The following FBN2 variants were observed in gnomAD, a reference collection of about 807,000 sequenced individuals.
FBN2 encodes the protein fibrillin-2.
A neutral mutation model predicts 355.6 loss-of-function variants in FBN2; 105 were observed. The ratio of observed to expected loss-of-function variants is 0.30; its 90% CI spans 0.25 to 0.35. The LOEUF (loss-of-function observed/expected upper bound fraction) is 0.35, where lower values mean the gene tolerates loss of function less well. FBN2 is among the 10% of genes least tolerant of loss of function. FBN2 has a pLI of 1.00. For synonymous variants in FBN2, 1,350 were observed against 1,301.2 expected (o/e 1.04, Z -0.81); for missense variants, 3,280 against 3,758.7 (o/e 0.87, Z 3.33).
intron 7 of FBN2, among the ~76,000 whole-genome samples, chr5:128,442,674 G>A (rs1214922208): frequency 6.6e-6 from 1 of 152,122 alleles, no homozygotes. Flanking sequence ...AGCATCATGA[G>A]AGGTTTTTTT....
chr5:128,423,561 G>A (rs1040395322), intron 7 of FBN2, among the ~76,000 whole-genome samples: 10 of 152,152 alleles, frequency 6.6e-5, no homozygotes, highest in Admixed American at 5.2e-4. Context: ...GCAACTCAGG[G>A]TGAGATTTGG....
intron 20 of FBN2, among the ~76,000 whole-genome samples, chr5:128,356,395 T>A (rs1384548975): frequency 6.6e-6 from 1 of 152,252 alleles, no homozygotes; most frequent in African/African-American, 2.4e-5. Flanking sequence ...GAAAAAGCTA[T>A]TGTCTTCGAC....
intron 15 of FBN2, among the ~76,000 whole-genome samples, chr5:128,370,161 C>T (rs1751893362): frequency 6.6e-6 from 1 of 152,106 alleles, no homozygotes; most frequent in Non-Finnish European, 1.5e-5. Context: ...TTCTCTCACT[C>T]TTAATTCTCA....
chr5:128,390,871 A>G (rs1309532169), intron 11 of FBN2, among the ~76,000 whole-genome samples: 1 of 152,238 alleles, frequency 6.6e-6, no homozygotes, highest in Non-Finnish European at 1.5e-5. Flanking sequence ...TAAAAATGAC[A>G]GAATTCAGAA....
At chr5:128,473,674 C>T (rs917117074) in intron 5 of FBN2, among the ~76,000 whole-genome samples, 2 of 152,124 alleles carry the variant, frequency 1.3e-5, no homozygotes, top group Non-Finnish European at 2.9e-5. Context: ...ACTGTCACAA[C>T]CCCACAGATG....
chr5:128,377,562 A>T, intron 13 of FBN2, among the ~76,000 whole-genome samples, 190 bp downstream of exon 13: 1 of 149,506 alleles, frequency 6.7e-6, no homozygotes, highest in East Asian at 2.0e-4. Flanking sequence ...AAAAAAAAAA[A>T]CCAAAAAACA....
chr5:128,528,734 C>G (rs950832617), intron 3 of FBN2, among the ~76,000 whole-genome samples: 2 of 152,124 alleles, frequency 1.3e-5, no homozygotes, highest in East Asian at 3.9e-4. Flanking sequence ...TTCATTATAT[C>G]CCAAATGCAA....
At chr5:128,329,606 T>C (rs147306310) in intron 33 of FBN2, among the ~76,000 whole-genome samples, 1 of 152,300 alleles carries the variant, frequency 6.6e-6, no homozygotes, top group Non-Finnish European at 1.5e-5. Context: ...GTGTCTGACA[T>C]GAAAGCCATG....
At chr5:128,314,075 T>C (rs1470333692) in intron 36 of FBN2, among the ~76,000 whole-genome samples, 3 of 152,064 alleles carry the variant, frequency 2.0e-5, no homozygotes, top group Non-Finnish European at 4.4e-5. Flanking sequence ...GACCCTTCAA[T>C]AGCATTACCT....
intron 30 of FBN2, 64 bp from the exon 31 acceptor site, chr5:128,334,908 A>G (rs1343262812): frequency 3.6e-6 from 5 of 1,406,124 alleles, no homozygotes; most frequent in African/African-American, 1.4e-5. Context: ...GCTATCTTCT[A>G]CACTGAATAG....
intron 7 of FBN2, among the ~76,000 whole-genome samples, chr5:128,422,630 G>T (rs1356069318): frequency 1.3e-5 from 2 of 152,164 alleles, no homozygotes; most frequent in Admixed American, 1.3e-4. Flanking sequence ...GGAACATTTT[G>T]CTCTGGAAAA....
intron 7 of FBN2, among the ~76,000 whole-genome samples, chr5:128,445,288 C>T (rs1417443285): frequency 6.6e-6 from 1 of 151,860 alleles, no homozygotes; most frequent in Non-Finnish European, 1.5e-5. Flanking sequence ...TTTGTAATTA[C>T]ATAAAATGTA....
At chr5:128,450,074 T>C (rs911705995) in intron 6 of FBN2, among the ~76,000 whole-genome samples, 1 of 152,024 alleles carries the variant, frequency 6.6e-6, no homozygotes, top group African/African-American at 2.4e-5. Context: ...CAGAAATAGA[T>C]AACCTGCAAG....
At position 128,380,698 on chromosome 5, in the gene FBN2, C is replaced by T. The variant is rs116160479; in HGVS notation, c.1604-1808G>A. ...ACTTTAAAACCCATTTGTTGTTTTT[C>T]GTTTGTTTTCTGGGATTTTCAGTTT... On this transcript the variant is annotated intron_variant, in intron 11 of 64. Coordinates refer to ENST00000262464, the MANE Select transcript of FBN2 (RefSeq NM_001999.4). 3.5e-3 allele frequency among the ~76,000 whole-genome samples: 532 copies of T among 152,070 alleles called. 7 individuals carry two copies. The highest frequency in any genetic ancestry group is 0.012 in the African/African-American group (498 of 41,508).
intron 5 of FBN2, among the ~76,000 whole-genome samples, chr5:128,510,671 CAG>C (rs1756088829): frequency 6.6e-6 from 1 of 152,152 alleles, no homozygotes; most frequent in African/African-American, 2.4e-5. Context: ...CCTATGAATT[CAG>C]AGTCATAATC....
Position 128,280,214 on chromosome 5 carries a change from A to T in FBN2, c.7116T>A (p.Ser2372Arg), listed in dbSNP as rs747864058. ...TACCAAGGCATTCAGTGCCTGAAGA[A>T]CTTGACTGGAATCCTTCATTACACT... ...RCECNEGFQS[S>R]SSGTECLDNR... Residue 2372 changes from serine (S) to arginine (R), a missense_variant, in exon 56 of 65, where the codon AGT becomes AGA. Transcript: ENST00000262464. The T allele has an allele frequency of 6.2e-7, 1 of 1,612,730 alleles. No homozygotes were observed.
At chr5:128,280,358 A>C in intron 55 of FBN2, 41 bp from the exon 56 acceptor site, 2 of 1,518,732 alleles carry the variant, frequency 1.3e-6, no homozygotes, top group East Asian at 2.3e-5. Context: ...GAAAACTGTC[A>C]AATTATAGTT....
intron 11 of FBN2, among the ~76,000 whole-genome samples, chr5:128,391,383 T>C (rs1338511678): frequency 6.6e-6 from 1 of 152,098 alleles, no homozygotes; most frequent in Non-Finnish European, 1.5e-5. Context: ...ATTAAAAAGG[T>C]TTGCAAAAAT....
At chr5:128,358,299 T>A (rs1162772344) in intron 19 of FBN2, among the ~76,000 whole-genome samples, 1 of 152,128 alleles carries the variant, frequency 6.6e-6, no homozygotes, top group African/African-American at 2.4e-5. Flanking sequence ...TTTAAAGAAG[T>A]GGCACACAGT....
Sources: gnomAD v4.1 joint callset for allele counts (sites outside exome capture counted in the v4.1 genomes callset) on GRCh38, gnomAD v4.1.1 for gene constraint, MANE v1.5 for transcripts, NCBI Gene and HGNC (gene_info 2026-07-23, HGNC 2026-07-21) for gene names.